The following CDH4 variants were observed in gnomAD, a reference collection of about 807,000 sequenced individuals.
CDH4 encodes the protein cadherin-4.
In CDH4, 33 loss-of-function variants were observed where a neutral mutation model predicts 86.0. The ratio of observed to expected loss-of-function variants is 0.38; its 90% CI spans 0.29 to 0.51. The LOEUF (loss-of-function observed/expected upper bound fraction) is 0.51, where lower values mean the gene tolerates loss of function less well. Ranked by LOEUF, CDH4 falls within the 20% of genes least tolerant of loss-of-function variation. The pLI, the probability that CDH4 is intolerant of heterozygous loss-of-function variation, is 0.86. For synonymous variants in CDH4, 555 were observed against 549.4 expected (o/e 1.01, Z -0.14); for missense variants, 1,114 against 1,307.4 (o/e 0.85, Z 2.28).
At chr20:61,767,687 A>G (rs761841186) in intron 3 of CDH4, among the ~76,000 whole-genome samples, 1 of 152,142 alleles carries the variant, frequency 6.6e-6, no homozygotes, top group Non-Finnish European at 1.5e-5. Context: ...CAGGGAGCCC[A>G]GTGGGGCTGA....
At chr20:61,792,142 T>C (rs79341505) in intron 4 of CDH4, among the ~76,000 whole-genome samples, 8,199 of 151,726 alleles carry the variant, frequency 0.054, 705 homozygotes, top group African/African-American at 0.19. Context: ...AGTAGAGGCG[T>C]GAAGGTGAGG....
intron 2 of CDH4, among the ~76,000 whole-genome samples, chr20:61,642,842 G>A (rs915557349): frequency 3.3e-5 from 5 of 152,170 alleles, no homozygotes; most frequent in African/African-American, 1.2e-4. Flanking sequence ...TCTGAAGCCA[G>A]AAAATGTATC....
chr20:61,371,220 AT>A (rs2084838449), intron 2 of CDH4, among the ~76,000 whole-genome samples: 1 of 152,046 alleles, frequency 6.6e-6, no homozygotes, highest in South Asian at 2.1e-4. Context: ...GCTGGCGGTG[AT>A]GGGGCCAGAA....
rs567916946 is a variant in CDH4 at position 61,869,020 on chromosome 20, G to A, written c.878-4708G>A. Among the ~76,000 whole-genome samples, 4 of 152,338 alleles carry A rather than the reference G, an allele frequency of 2.6e-5. No individual in the cohort carries two copies. The East Asian group carries it at 5.8e-4, about 22-fold the overall frequency. On this transcript the variant is annotated intron_variant, in intron 6 of 15. Coordinates refer to ENST00000614565, the MANE Select transcript of CDH4 (RefSeq NM_001794.5). ...CACAAAGCCTCTAGACGTGGCAAAC[G>A]TGGCAAGTGCCTTCAAGGAGCTCAA...
chr20:61,514,407 A>G (rs1357486292), intron 2 of CDH4, among the ~76,000 whole-genome samples: 1 of 136,442 alleles, frequency 7.3e-6, no homozygotes, highest in South Asian at 2.3e-4. Context: ...CAGTTCAGGG[A>G]TGTAGATCAA....
At chr20:61,805,670 T>C (rs1412755534) in intron 4 of CDH4, among the ~76,000 whole-genome samples, 1 of 151,990 alleles carries the variant, frequency 6.6e-6, no homozygotes, top group African/African-American at 2.4e-5. Flanking sequence ...ATGGCAGAGG[T>C]ATGTTTAAAA....
intron 2 of CDH4, among the ~76,000 whole-genome samples, chr20:61,339,134 C>T (rs534788801): frequency 3.9e-5 from 6 of 152,290 alleles, no homozygotes; most frequent in African/African-American, 1.2e-4. Context: ...ATTATTTTGA[C>T]AAAATGGTAT....
At chr20:61,756,218 C>T (rs370451546) in intron 3 of CDH4, among the ~76,000 whole-genome samples, 4 of 152,188 alleles carry the variant, frequency 2.6e-5, no homozygotes, top group African/African-American at 9.7e-5. Context: ...AGTCTGCATC[C>T]TGGGCCTGCA....
intron 2 of CDH4, among the ~76,000 whole-genome samples, chr20:61,559,004 A>G (rs537546033): frequency 7.3e-4 from 111 of 152,320 alleles, no homozygotes; most frequent in African/African-American, 2.6e-3. Context: ...GCAGACCTGA[A>G]AGAAACCTGA....
chr20:61,264,988 T>C (rs1356591694), intron 2 of CDH4, among the ~76,000 whole-genome samples: 372 of 86,998 alleles, frequency 4.3e-3, no homozygotes, highest in African/African-American at 5.2e-3. Context: ...TACACATACC[T>C]CAGTGGCTCC....
chr20:61,884,341 G>A (rs374571456), intron 7 of CDH4, among the ~76,000 whole-genome samples: 1 of 152,260 alleles, frequency 6.6e-6, no homozygotes, highest in Non-Finnish European at 1.5e-5. Flanking sequence ...CTTCCACGCA[G>A]CAACCCGGAC....
chr20:61,568,325 T>C (rs900041307), intron 2 of CDH4, among the ~76,000 whole-genome samples: 2 of 152,202 alleles, frequency 1.3e-5, no homozygotes, highest in Admixed American at 6.5e-5. Flanking sequence ...TCACCAGATC[T>C]GATGGTTTTA....
chr20:61,800,156 G>A (rs555330880), intron 4 of CDH4, among the ~76,000 whole-genome samples: 3 of 152,304 alleles, frequency 2.0e-5, no homozygotes, highest in Admixed American at 6.5e-5. Flanking sequence ...CATCTTCTTT[G>A]TGTGCAAGCA....
rs150375968 is a variant in CDH4, at chr20:61,870,781, T to A, written c.878-2947T>A. ...CGTAGAGATGGGTGGTTTCAAATAG[T>A]GCCTGATGCGCCAACATTGGCTTCA... On this transcript the variant is annotated intron_variant, in intron 6 of 15. Coordinates refer to ENST00000614565, the MANE Select transcript of CDH4 (RefSeq NM_001794.5). 1.2e-4 allele frequency among the ~76,000 whole-genome samples: 19 copies of A among 152,280 alleles called. No homozygotes were observed. In the South Asian group the frequency reaches 3.7e-3, roughly 30 times the overall value.
At chr20:61,767,208 C>G (rs2088710226) in intron 3 of CDH4, among the ~76,000 whole-genome samples, 1 of 152,228 alleles carries the variant, frequency 6.6e-6, no homozygotes, top group Non-Finnish European at 1.5e-5. Flanking sequence ...AGGAGACAGG[C>G]TGAGGGCCAT....
chr20:61,936,977 G>C lies in CDH4; in HGVS notation c.*34G>C. On this transcript the variant is annotated 3_prime_UTR_variant, in exon 16 of 16. Coordinates refer to ENST00000614565, the MANE Select transcript of CDH4 (RefSeq NM_001794.5). Reference sequence around the variant, plus strand: ...GCATCTTCGGACCGAAGTGAGAGCCGTGCTCGGACGCCGGAGGAGCAGGAC... The same window carrying C: ...GCATCTTCGGACCGAAGTGAGAGCCCTGCTCGGACGCCGGAGGAGCAGGAC... 1.3e-6 allele frequency: 2 copies of C among 1,523,210 alleles called. No homozygotes were observed. Among genetic ancestry groups the C allele is most frequent in the Non-Finnish European group, 1.8e-6 (2 of 1,128,670 alleles). 94.4% of individuals were successfully genotyped at this position (1,523,210 alleles called of 1,614,324 possible).
At chr20:61,824,756 T>A (rs1466495424) in intron 4 of CDH4, among the ~76,000 whole-genome samples, 1 of 152,238 alleles carries the variant, frequency 6.6e-6, no homozygotes, top group Non-Finnish European at 1.5e-5. Flanking sequence ...CCTTTTCATC[T>A]GCAGCCTTTT....
intron 2 of CDH4, among the ~76,000 whole-genome samples, chr20:61,729,024 C>T (rs915339138): frequency 3.9e-5 from 6 of 152,146 alleles, no homozygotes; most frequent in South Asian, 2.1e-4. Context: ...TGGCCAATGC[C>T]GGGAAGAATG....
intron 2 of CDH4, among the ~76,000 whole-genome samples, chr20:61,445,180 A>G (rs779433305): frequency 7.2e-5 from 11 of 151,898 alleles, no homozygotes; most frequent in Non-Finnish European, 1.3e-4. Context: ...ACCTCTGGCC[A>G]GGGATTGTAT....
Sources: gnomAD v4.1 joint callset for allele counts (sites outside exome capture counted in the v4.1 genomes callset) on GRCh38, gnomAD v4.1.1 for gene constraint, MANE v1.5 for transcripts, NCBI Gene and HGNC (gene_info 2026-07-23, HGNC 2026-07-21) for gene names.